Variants in SAP130 observed in about 807,000 individuals in gnomAD.
SAP130 encodes Sin3A associated protein 130, also known as histone deacetylase complex subunit SAP130.
Under a neutral mutation model 103.2 loss-of-function variants are expected in SAP130, and 16 were observed. That is an observed-to-expected ratio of 0.16 (90% CI 0.10 to 0.24). The LOEUF (loss-of-function observed/expected upper bound fraction) is 0.24, where lower values mean the gene tolerates loss of function less well. Among genes scored for constraint, SAP130 ranks in the 10% least tolerant of loss-of-function variants. The pLI, the probability that SAP130 is intolerant of heterozygous loss-of-function variation, is 1.00. For missense variants in SAP130, 990 were observed against 1,359.7 expected (o/e 0.73, Z 4.28); for synonymous variants, 477 against 497.0 (o/e 0.96, Z 0.53).
chr2:127,992,847 A>T (rs1310282925), intron 12 of SAP130, among the ~76,000 whole-genome samples: 1 of 152,182 alleles, frequency 6.6e-6, no homozygotes, highest in African/African-American at 2.4e-5. Flanking sequence ...ACCTTTATAA[A>T]TTTTTTAAAA....
chr2:127,976,013 T>G (rs577567734), intron 15 of SAP130, among the ~76,000 whole-genome samples: 1 of 152,198 alleles, frequency 6.6e-6, no homozygotes, highest in Admixed American at 6.5e-5. Flanking sequence ...CCCGGCTAAT[T>G]TTTTGTGTGT....
intron 15 of SAP130, among the ~76,000 whole-genome samples, chr2:127,961,554 T>C (rs569359716): frequency 1.2e-4 from 18 of 151,974 alleles, no homozygotes; most frequent in Non-Finnish European, 2.2e-4. Context: ...GGTTGCTTTT[T>C]TGACTTGTAA....
At chr2:128,012,963 G>A in intron 6 of SAP130, 67 bp downstream of exon 6, 1 of 1,458,798 alleles carries the variant, frequency 6.9e-7, no homozygotes. Flanking sequence ...GGTCAAGGAT[G>A]TGCCTAGTGC....
At chr2:127,972,702 G>T (rs1386392378) in intron 15 of SAP130, among the ~76,000 whole-genome samples, 2 of 152,082 alleles carry the variant, frequency 1.3e-5, no homozygotes, top group Non-Finnish European at 2.9e-5. Context: ...AGGCTGTTGT[G>T]AGCCAATATG....
rs1378785147 is a variant in SAP130, at chr2:127,961,511, A to G, written c.2064-6167T>C. Among the ~76,000 whole-genome samples the G allele has an allele frequency of 3.6e-5, 3 of 84,152 alleles. No homozygotes were observed. The Admixed American group carries it at 4.9e-4, about 14-fold the overall frequency. The allele number at this position is 84,152 out of a possible 152,430, so 55.2% of individuals were successfully genotyped here. A position where few individuals can be genotyped will look rare whatever the true frequency, so the allele number is the denominator to read the frequency against. On this transcript the variant is annotated intron_variant, in intron 15 of 20. Coordinates refer to ENST00000643581, the MANE Select transcript of SAP130 (RefSeq NM_001330301.2). ...AAAACTGTCATAGCATATACCTCATACCTTGCTTTTTTTTTTTTTTTTGAC... is the reference window on the plus strand; with the variant it reads ...AAAACTGTCATAGCATATACCTCATGCCTTGCTTTTTTTTTTTTTTTTGAC...
intron 19 of SAP130, among the ~76,000 whole-genome samples, chr2:127,943,111 C>T (rs1475885732): frequency 6.6e-6 from 1 of 152,198 alleles, no homozygotes; most frequent in Non-Finnish European, 1.5e-5. Flanking sequence ...TGAATACTGC[C>T]TTGAATCCAC....
intron 14 of SAP130, among the ~76,000 whole-genome samples, chr2:127,978,465 G>A (rs1681631492): frequency 6.6e-6 from 1 of 152,060 alleles, no homozygotes; most frequent in South Asian, 2.1e-4. Context: ...TATGCCTATG[G>A]TGTTTATAAA....
intron 2 of SAP130, among the ~76,000 whole-genome samples, chr2:128,024,985 G>GTAC (rs938332669): frequency 7.2e-6 from 1 of 137,932 alleles, no homozygotes; most frequent in African/African-American, 2.8e-5. Flanking sequence ...TTGAGTGACA[G>GTAC]AGTGAGACCC....
At chr2:128,019,653 A>C (rs1685019178) in intron 2 of SAP130, among the ~76,000 whole-genome samples, 1 of 152,194 alleles carries the variant, frequency 6.6e-6, no homozygotes, top group Non-Finnish European at 1.5e-5. Context: ...TGGGAGGCCA[A>C]GGTGGGGAGA....
At chr2:127,956,838 T>C (rs1029126920) in intron 15 of SAP130, among the ~76,000 whole-genome samples, 5 of 152,130 alleles carry the variant, frequency 3.3e-5, no homozygotes, top group African/African-American at 1.2e-4. Context: ...GCAAAACTGA[T>C]TGGTTGGTTG....
In SAP130 at chr2:127,963,665, C is replaced by G. The variant is rs148783173; in HGVS notation, c.2064-8321G>C. On this transcript the variant is annotated intron_variant, in intron 15 of 20. Coordinates refer to ENST00000643581, the MANE Select transcript of SAP130 (RefSeq NM_001330301.2). ...GATTCCTATGTGTTACGAGAGGGAC[C>G]CTGTGGGAGATGACTGAATCACGGG... 4.5e-3 allele frequency among the ~76,000 whole-genome samples: 689 copies of G among 152,240 alleles called. 6 individuals are homozygous for G. Among genetic ancestry groups the G allele is most frequent in the African/African-American group, 0.016 (647 of 41,542 alleles).
intron 2 of SAP130, 105 bp from the exon 3 acceptor site, chr2:128,018,020 T>C: frequency 1.1e-6 from 1 of 895,126 alleles, no homozygotes; most frequent in Non-Finnish European, 1.7e-6. Context: ...ATTGACAAAG[T>C]GGCCATTTCC....
intron 18 of SAP130, among the ~76,000 whole-genome samples, chr2:127,946,760 T>C (rs930321822): frequency 8.6e-5 from 13 of 150,918 alleles, no homozygotes; most frequent in African/African-American, 3.2e-4. Flanking sequence ...GGTGGGCGCC[T>C]ATAATCCCAG....
intron 16 of SAP130, among the ~76,000 whole-genome samples, chr2:127,951,686 G>A (rs141734150): frequency 6.6e-5 from 10 of 152,230 alleles, no homozygotes; most frequent in African/African-American, 2.4e-4. Context: ...AGGCCAAGAG[G>A]TTAAATCCTG....
At chr2:128,013,384 G>C (rs574187648) in intron 5 of SAP130, among the ~76,000 whole-genome samples, 33 of 152,198 alleles carry the variant, frequency 2.2e-4, no homozygotes, top group African/African-American at 7.9e-4. Flanking sequence ...GCTGTTTTTT[G>C]TTTCTGTTAA....
At chr2:127,964,998 C>CAAA (rs33926216) in intron 15 of SAP130, among the ~76,000 whole-genome samples, 4,132 of 136,224 alleles carry the variant, frequency 0.03, 150 homozygotes, top group East Asian at 0.14. Context: ...GACTCTGTCT[C>CAAA]AAAAAAAAAA....
rs1169176652 is a variant in SAP130 at position 128,014,916 on chromosome 2, TGAAA to T, written c.508-6_508-3del. The T allele has an allele frequency of 1.9e-6, 3 of 1,610,828 alleles. No individual in the cohort carries two copies. The highest frequency in any genetic ancestry group is 2.5e-6 in the Non-Finnish European group (3 of 1,177,060). On this transcript the variant is annotated splice_region_variant and splice_polypyrimidine_tract_variant and intron_variant, in intron 4 of 20. Coordinates refer to ENST00000643581, the MANE Select transcript of SAP130 (RefSeq NM_001330301.2). ...GTGATGCAGGTTACTGGGATGGCCC[TGAAA>T]GAAAGAGGATAGAACGTTATTTTTA...
intron 2 of SAP130, among the ~76,000 whole-genome samples, chr2:128,019,423 A>G (rs1401931295): frequency 6.6e-6 from 1 of 152,120 alleles, no homozygotes; most frequent in Non-Finnish European, 1.5e-5. Context: ...ACATGCCACC[A>G]CACCTGGCTA....
intron 18 of SAP130, among the ~76,000 whole-genome samples, chr2:127,945,906 G>A (rs1214015290): frequency 1.3e-5 from 2 of 152,174 alleles, no homozygotes; most frequent in Non-Finnish European, 2.9e-5. Flanking sequence ...GCCTGCCATG[G>A]CCTCCCAAAG....
Sources: gnomAD v4.1 joint callset for allele counts (sites outside exome capture counted in the v4.1 genomes callset) on GRCh38, gnomAD v4.1.1 for gene constraint, MANE v1.5 for transcripts, NCBI Gene and HGNC (gene_info 2026-07-23, HGNC 2026-07-21) for gene names.